Variants in PDLIM1 observed in about 807,000 individuals in gnomAD.
PDLIM1 encodes PDZ and LIM domain 1.
A neutral mutation model predicts 35.2 loss-of-function variants in PDLIM1; 25 were observed. That is an observed-to-expected ratio of 0.71 (90% confidence interval 0.52 to 0.99). PDLIM1 has a LOEUF of 0.99. Among genes scored for constraint, PDLIM1 ranks in the 50% least tolerant of loss-of-function variants. PDLIM1 has a pLI of 0.00. For synonymous variants in PDLIM1, 152 were observed against 154.0 expected, an observed-to-expected ratio of 0.99 and a Z score of 0.10; for missense variants, 363 against 415.3, an observed-to-expected ratio of 0.87 and a Z score of 1.09.
chr10:95,257,366 A>G (rs2133421317), intron 4 of PDLIM1, among the ~76,000 whole-genome samples: 1 of 152,276 alleles, frequency 6.6e-6, no homozygotes, highest in East Asian at 1.9e-4. Flanking sequence ...CACAAAGGAA[A>G]CAACAGAGTG....
At chr10:95,266,384 C>T (rs2035417598) in intron 3 of PDLIM1, among the ~76,000 whole-genome samples, 1 of 152,120 alleles carries the variant, frequency 6.6e-6, no homozygotes, top group East Asian at 1.9e-4. Flanking sequence ...CTACATGTGC[C>T]GCAGCCAGGA....
chr10:95,286,436 A>T (rs1289228157), intron 1 of PDLIM1, among the ~76,000 whole-genome samples: 2 of 152,018 alleles, frequency 1.3e-5, no homozygotes, highest in African/African-American at 4.8e-5. Context: ...TTTTATCTTT[A>T]CAGGGAATAT....
chr10:95,280,571 A>T (rs1169675577), intron 1 of PDLIM1, among the ~76,000 whole-genome samples: 1 of 152,136 alleles, frequency 6.6e-6, no homozygotes, highest in Non-Finnish European at 1.5e-5. Flanking sequence ...TTTCATTCGC[A>T]GAAGTACTCC....
intron 4 of PDLIM1, among the ~76,000 whole-genome samples, chr10:95,254,612 A>T (rs2035294920): frequency 6.6e-6 from 1 of 152,218 alleles, no homozygotes; most frequent in Admixed American, 6.5e-5. Context: ...GAGAGGATAC[A>T]GAAAAATTCA....
chr10:95,248,875 C>T (rs894291323), intron 4 of PDLIM1, among the ~76,000 whole-genome samples: 1 of 152,168 alleles, frequency 6.6e-6, no homozygotes, highest in Admixed American at 6.5e-5. Flanking sequence ...TGTCATGGCT[C>T]CCATGCTTCA....
chr10:95,248,400 C>T (rs1200832425), intron 4 of PDLIM1, among the ~76,000 whole-genome samples: 6 of 152,168 alleles, frequency 3.9e-5, no homozygotes, highest in Admixed American at 3.3e-4. Context: ...AGGTGTGCCA[C>T]CATCCCCCGC....
At chr10:95,239,076 C>G (rs1361895915) in intron 5 of PDLIM1, among the ~76,000 whole-genome samples, 1 of 152,102 alleles carries the variant, frequency 6.6e-6, no homozygotes, top group Non-Finnish European at 1.5e-5. Flanking sequence ...TTTGACAAAC[C>G]TGACAAAAAC....
At chr10:95,262,069 C>T (rs190340678) in intron 4 of PDLIM1, among the ~76,000 whole-genome samples, 2 of 151,368 alleles carry the variant, frequency 1.3e-5, no homozygotes. Flanking sequence ...GCACAGGGAA[C>T]AGGGATGCAC....
chr10:95,278,548 G>A (rs1162053752), intron 1 of PDLIM1, among the ~76,000 whole-genome samples: 1 of 151,950 alleles, frequency 6.6e-6, no homozygotes, highest in Non-Finnish European at 1.5e-5. Context: ...CTCCCTGGAG[G>A]AGGTGCTGCT....
chr10:95,260,423 G>C (rs2035349920), intron 4 of PDLIM1, among the ~76,000 whole-genome samples: 1 of 152,210 alleles, frequency 6.6e-6, no homozygotes, highest in Non-Finnish European at 1.5e-5. Flanking sequence ...ACAGAGGAAA[G>C]GTGCTAGCTT....
intron 1 of PDLIM1, among the ~76,000 whole-genome samples, chr10:95,284,182 C>G (rs1274757424): frequency 1.3e-5 from 2 of 152,150 alleles, no homozygotes; most frequent in African/African-American, 4.8e-5. Flanking sequence ...AATTCTCAAA[C>G]TTGTCCTTTA....
chr10:95,272,782 G>A (rs2035476904), intron 1 of PDLIM1, among the ~76,000 whole-genome samples: 1 of 152,154 alleles, frequency 6.6e-6, no homozygotes, highest in Admixed American at 6.5e-5. Context: ...AATGACTAGG[G>A]TCATTCCCTA....
At chr10:95,279,945 G>T (rs1411407837) in intron 1 of PDLIM1, among the ~76,000 whole-genome samples, 1 of 152,022 alleles carries the variant, frequency 6.6e-6, no homozygotes, top group Non-Finnish European at 1.5e-5. Flanking sequence ...TTCAATTCTA[G>T]GCAACATAAA....
intron 1 of PDLIM1, among the ~76,000 whole-genome samples, chr10:95,278,531 C>CG (rs2035533927): frequency 6.6e-6 from 1 of 151,224 alleles, no homozygotes; most frequent in African/African-American, 2.4e-5. Flanking sequence ...GGTGGAATCA[C>CG]GGAACACTCC....
At chr10:95,280,401 C>G (rs2035551465) in intron 1 of PDLIM1, among the ~76,000 whole-genome samples, 1 of 152,098 alleles carries the variant, frequency 6.6e-6, no homozygotes, top group Admixed American at 6.5e-5. Context: ...AATTTAAAAA[C>G]TCTTGTGTTG....
intron 5 of PDLIM1, chr10:95,238,887 C>A: frequency 4.1e-6 from 2 of 484,848 alleles, no homozygotes; most frequent in Non-Finnish European, 7.4e-6. Flanking sequence ...AACACCTGGC[C>A]AAAGAAAAGC....
chr10:95,290,871 G>C lies in PDLIM1; in HGVS notation c.45C>G (p.Gly15=). 1 of 1,565,008 alleles carries C rather than the reference G, an allele frequency of 6.4e-7. No homozygotes were observed. The part of the protein sequence containing the change: ...QIDLQGPGPW[G]FRLVGGKDFE... ...AGTCCTTGCCGCCCACGAGGCGGAA[G>C]CCCCACGGCCCCGGGCCCTGGAGGT... The change falls in exon 1 of 7, where the codon GGC becomes GGG. Residue 15 remains glycine (G), a synonymous_variant. Transcript: ENST00000329399. This position sits in a 1 kb window ranked among gnomAD's most constrained non-coding sequence, Gnocchi z 4.7.
chr10:95,274,413 C>A (rs1033278957), intron 1 of PDLIM1, among the ~76,000 whole-genome samples: 1 of 151,798 alleles, frequency 6.6e-6, no homozygotes, highest in African/African-American at 2.4e-5. Context: ...CCTGTCTCAG[C>A]CTCCTGAGTA....
chr10:95,261,479 G>T (rs893492966), intron 4 of PDLIM1, among the ~76,000 whole-genome samples: 1 of 152,102 alleles, frequency 6.6e-6, no homozygotes, highest in African/African-American at 2.4e-5. Flanking sequence ...AAAGCCTAGG[G>T]GGACCAGTAT....
Sources: gnomAD v4.1 joint callset for allele counts (sites outside exome capture counted in the v4.1 genomes callset) on GRCh38, gnomAD v4.1.1 for gene constraint, Gnocchi (gnomAD v3.1) non-coding constraint, MANE v1.5 for transcripts, NCBI Gene and HGNC (gene_info 2026-07-23, HGNC 2026-07-21) for gene names.